ATRN: variants seen among roughly 807,000 people sequenced by gnomAD.
The protein encoded by ATRN is attractin.
A neutral mutation model predicts 178.7 loss-of-function variants in ATRN; 54 were observed. That is an observed-to-expected ratio of 0.30 (90% CI 0.24 to 0.38). ATRN has a LOEUF of 0.38. Ranked by LOEUF, ATRN falls within the 10% of genes least tolerant of loss-of-function variation. The pLI is 1.00. For missense variants in ATRN, 1,443 were observed against 1,815.1 expected (o/e 0.79, Z 3.73); for synonymous variants, 636 against 663.0 (o/e 0.96, Z 0.63).
At chr20:3,628,860 A>G (rs984183989) in intron 25 of ATRN, 27 of 983,222 alleles carry the variant, frequency 2.7e-5, no homozygotes, top group African/African-American at 1.8e-4. Flanking sequence ...CTATTATGCA[A>G]TCTTTTCTAT....
intron 23 of ATRN, among the ~76,000 whole-genome samples, chr20:3,603,759 A>G (rs1243983084): frequency 6.6e-6 from 1 of 152,108 alleles, no homozygotes; most frequent in Non-Finnish European, 1.5e-5. Context: ...AAGTGCTGGG[A>G]TTACAGATGT....
intron 25 of ATRN, among the ~76,000 whole-genome samples, chr20:3,626,987 A>G (rs369061565): frequency 5.9e-5 from 9 of 152,092 alleles, no homozygotes; most frequent in African/African-American, 1.7e-4. Flanking sequence ...GGGTTTCACC[A>G]GGTTGGCCAG....
chr20:3,631,082 C>G (rs1175885062), intron 25 of ATRN, among the ~76,000 whole-genome samples: 1 of 151,312 alleles, frequency 6.6e-6, no homozygotes, highest in Non-Finnish European at 1.5e-5. Flanking sequence ...CCAAGTAGAG[C>G]TGGGACTGCA....
intron 2 of ATRN, among the ~76,000 whole-genome samples, chr20:3,535,585 G>C (rs977338410): frequency 8.6e-6 from 1 of 116,792 alleles, no homozygotes; most frequent in Non-Finnish European, 1.8e-5. Context: ...GTTCAGAAAC[G>C]GTTACACACA....
chr20:3,586,450 G>A (rs1015657713), intron 18 of ATRN, among the ~76,000 whole-genome samples: 1 of 150,678 alleles, frequency 6.6e-6, no homozygotes, highest in Non-Finnish European at 1.5e-5. Context: ...AGGTTTTCTA[G>A]AGTAGCTGCA....
chr20:3,512,107 A>ATATATATATATTTT, intron 1 of ATRN, among the ~76,000 whole-genome samples: 13 of 106,396 alleles, frequency 1.2e-4, no homozygotes, highest in African/African-American at 5.8e-4. Flanking sequence ...ATATATATAT[A>ATATATATATATTTT]TTTTTTTTTT....
In ATRN at chr20:3,565,366, T is replaced by C. The variant is rs143368565; in HGVS notation, c.1805T>C (p.Val602Ala). Residue 602 changes from valine (V) to alanine (A), a missense_variant, in exon 11 of 29, where the codon GTG becomes GCG. Transcript: ENST00000262919. ...AYDIACDRWS[V>A]LPRPDLHHDV... ...CTCCTAGCCTGTGACCGCTGGTCAG[T>C]GCTTCCCAGACCTGATCTCCACCAT... 873 of 1,614,014 alleles carry C rather than the reference T, an allele frequency of 5.4e-4. No individual in the cohort carries two copies. The highest frequency in any genetic ancestry group is 6.6e-4 in the Non-Finnish European group (773 of 1,179,916).
At chr20:3,518,962 A>G (rs2085244888) in intron 1 of ATRN, among the ~76,000 whole-genome samples, 1 of 150,042 alleles carries the variant, frequency 6.7e-6, no homozygotes, top group Non-Finnish European at 1.5e-5. Context: ...GTTATTTCTA[A>G]CTTTCCAACT....
chr20:3,610,718 G>GCATC (rs888597911), intron 24 of ATRN, among the ~76,000 whole-genome samples: 1 of 146,624 alleles, frequency 6.8e-6, no homozygotes, highest in African/African-American at 2.5e-5. Context: ...GACTACAGGT[G>GCATC]CATACCACCA....
intron 1 of ATRN, among the ~76,000 whole-genome samples, chr20:3,476,732 C>T (rs1273067589): frequency 2.6e-5 from 4 of 152,066 alleles, no homozygotes; most frequent in South Asian, 4.2e-4. Flanking sequence ...TGGTGGCGAG[C>T]GCCTGTAATC....
At chr20:3,528,110 C>T (rs538489363) in intron 1 of ATRN, among the ~76,000 whole-genome samples, 2 of 152,154 alleles carry the variant, frequency 1.3e-5, no homozygotes, top group Admixed American at 6.5e-5. Flanking sequence ...GTGGCTCACA[C>T]CTGTAATCCC....
Position 3,584,850 on chromosome 20 carries a change from A to G in ATRN, c.3154A>G (p.Arg1052Gly). Residue 1052 changes from arginine (R) to glycine (G), a missense_variant, in exon 18 of 29, where the codon AGA becomes GGA. By Grantham distance (125) the Arg-to-Gly change is moderately radical. Coordinates refer to ENST00000262919, the MANE Select transcript of ATRN (RefSeq NM_139321.3). ...TTCCAGCATGTGTCTAGAGGACAGC[A>G]GATACAACTGGTCTTTCATTCACTG... ...LNSSMCLEDSRYNWSFIHCPA... is the reference protein window; with the variant it reads ...LNSSMCLEDSGYNWSFIHCPA... The G allele has an allele frequency of 1.2e-6, 2 of 1,614,184 alleles. No homozygotes were observed. The highest frequency in any genetic ancestry group is 8.5e-7 in the Non-Finnish European group (1 of 1,180,012).
At chr20:3,494,495 G>A (rs1164444880) in intron 1 of ATRN, among the ~76,000 whole-genome samples, 1 of 152,188 alleles carries the variant, frequency 6.6e-6, no homozygotes, top group Non-Finnish European at 1.5e-5. Context: ...TGTTGCAGTA[G>A]ACTAGACTAG....
Position 3,578,697 on chromosome 20 carries a change from G to A in ATRN, c.2469G>A (p.Leu823=), listed in dbSNP as rs2086243269. 1.2e-6 allele frequency: 2 copies of A among 1,613,970 alleles called. No individual in the cohort carries two copies. Among genetic ancestry groups the A allele is most frequent in the South Asian group, 1.1e-5 (1 of 91,084 alleles). The part of the protein sequence containing the change: ...KLFCRNHNAL[L]ASLTTQKKVE... ...TCTGTAGGAACCACAATGCCCTTTT[G>A]GCTTCTCTTACAACCCAGAAGAAGG... is the stretch of plus-strand genomic sequence containing the variant. The change falls in exon 15 of 29, where the codon TTG becomes TTA. Residue 823 remains leucine, a synonymous_variant. Coordinates refer to ENST00000262919, the MANE Select transcript of ATRN (RefSeq NM_139321.3).
At chr20:3,594,387 A>G (rs2086494296) in intron 19 of ATRN, 92 bp from the exon 20 acceptor site, 2 of 969,986 alleles carry the variant, frequency 2.1e-6, no homozygotes, top group African/African-American at 3.2e-5. Context: ...ACTGAACTCA[A>G]TTCAGATAAA....
chr20:3,523,475 C>A (rs1568705590), intron 1 of ATRN, among the ~76,000 whole-genome samples: 1 of 152,092 alleles, frequency 6.6e-6, no homozygotes, highest in Non-Finnish European at 1.5e-5. Context: ...AGAATGGAAC[C>A]AAGTTGGAAA....
At chr20:3,541,316 A>G (rs2085618480) in intron 3 of ATRN, among the ~76,000 whole-genome samples, 1 of 151,944 alleles carries the variant, frequency 6.6e-6, no homozygotes, top group Non-Finnish European at 1.5e-5. Flanking sequence ...TGACCTCGTG[A>G]TCCGCCCGCC....
chr20:3,611,842 C>T (rs2086771379), intron 24 of ATRN, among the ~76,000 whole-genome samples: 2 of 152,190 alleles, frequency 1.3e-5, no homozygotes, highest in Admixed American at 6.5e-5. Context: ...ATAGTAATAA[C>T]ACCAAATGTT....
intron 23 of ATRN, among the ~76,000 whole-genome samples, chr20:3,602,050 A>C (rs1485387080): frequency 6.6e-6 from 1 of 152,070 alleles, no homozygotes; most frequent in Non-Finnish European, 1.5e-5. Context: ...CCGTCCTGGC[A>C]GGGCGTGATA....
Sources: allele counts gnomAD v4.1 joint callset (sites outside exome capture counted in the v4.1 genomes callset), GRCh38; gene constraint gnomAD v4.1.1; transcripts MANE v1.5; gene names NCBI Gene and HGNC (gene_info 2026-07-23, HGNC 2026-07-21).